ERBB4: variants seen among roughly 807,000 people sequenced by gnomAD.
ERBB4 encodes the protein receptor tyrosine-protein kinase erbB-4.
In ERBB4, 42 loss-of-function variants were observed where a neutral mutation model predicts 158.0. The observed-to-expected ratio is 0.27, with a 90% CI of 0.21 to 0.34. The LOEUF is 0.34. ERBB4 is among the 10% of genes least tolerant of loss of function. The pLI, the probability that ERBB4 is intolerant of heterozygous loss-of-function variation, is 1.00. For synonymous variants in ERBB4, 583 were observed against 558.7 expected (o/e 1.04, Z -0.61); for missense variants, 1,333 against 1,624.1 (o/e 0.82, Z 3.08).
rs948924636 is a variant in ERBB4, at chr2:211,836,501, G to T, written c.422-48342C>A. Reference sequence around the variant, plus strand: ...AGGCATCCAAAATTTTTATTAGAAGGTAGTCACATATATTGGTACTCTCTG... The same window carrying T: ...AGGCATCCAAAATTTTTATTAGAAGTTAGTCACATATATTGGTACTCTCTG... On this transcript the variant is annotated intron_variant, in intron 3 of 27. Transcript: ENST00000342788. Among the ~76,000 whole-genome samples the T allele has an allele frequency of 4.6e-5, 7 of 152,020 alleles. No homozygotes were observed. The East Asian group carries it at 7.7e-4, about 17-fold the overall frequency.
intron 3 of ERBB4, among the ~76,000 whole-genome samples, chr2:211,878,918 A>G (rs1045588556): frequency 2.0e-5 from 3 of 152,196 alleles, no homozygotes; most frequent in African/African-American, 7.2e-5. Context: ...ACAAATGATA[A>G]TAACAAGAAA....
intron 1 of ERBB4, among the ~76,000 whole-genome samples, chr2:212,286,598 T>TTTTTTTTTTTGTTTTG (rs2085975548): frequency 1.3e-5 from 1 of 74,392 alleles, no homozygotes; most frequent in Admixed American, 1.3e-4. Context: ...TGCTGACTTT[T>TTTTTTTTTTTGTTTTG]TTTTTTTTTT....
At chr2:211,972,425 A>G (rs563087309) in intron 2 of ERBB4, among the ~76,000 whole-genome samples, 1 of 152,330 alleles carries the variant, frequency 6.6e-6, no homozygotes, top group South Asian at 2.1e-4. Context: ...TGTGGAACCA[A>G]ATAAGACCTG....
chr2:212,390,416 T>A (rs1434846066), intron 1 of ERBB4, among the ~76,000 whole-genome samples: 1 of 151,808 alleles, frequency 6.6e-6, no homozygotes, highest in East Asian at 1.9e-4. Flanking sequence ...TCACCTGTTA[T>A]CTCTGAGGGA....
chr2:211,957,822 T>G (rs1046151337), intron 2 of ERBB4, among the ~76,000 whole-genome samples: 8 of 152,170 alleles, frequency 5.3e-5, no homozygotes, highest in African/African-American at 1.9e-4. Context: ...GAAAACTGCT[T>G]GCTAGCATTT....
chr2:212,217,892 C>G (rs980344910), intron 1 of ERBB4, among the ~76,000 whole-genome samples: 1 of 151,062 alleles, frequency 6.6e-6, no homozygotes, highest in Non-Finnish European at 1.5e-5. Context: ...AATAAATGCC[C>G]AATAAAGTAT....
At chr2:211,386,801 T>G in intron 27 of ERBB4, 52 bp downstream of exon 27, 2 of 1,581,870 alleles carry the variant, frequency 1.3e-6, no homozygotes, top group Non-Finnish European at 1.7e-6. Flanking sequence ...TTTGTTTATC[T>G]TGATGGAAGT....
intron 13 of ERBB4, among the ~76,000 whole-genome samples, chr2:211,676,784 A>T (rs1294512154): frequency 6.8e-6 from 1 of 147,350 alleles, no homozygotes; most frequent in African/African-American, 2.6e-5. Context: ...TCACTTAATG[A>T]AATTAGTCTA....
chr2:211,720,647 A>C (rs969311532), intron 7 of ERBB4, among the ~76,000 whole-genome samples: 1 of 151,888 alleles, frequency 6.6e-6, no homozygotes, highest in Non-Finnish European at 1.5e-5. Flanking sequence ...TGAAAAATCC[A>C]CTCTTTCGGT....
intron 13 of ERBB4, among the ~76,000 whole-genome samples, chr2:211,675,792 T>TTTTATATATA (rs1553607852): frequency 2.1e-4 from 20 of 93,592 alleles, no homozygotes; most frequent in Middle Eastern, 6.1e-3. Context: ...AAATATAATA[T>TTTTATATATA]TATATATATA....
chr2:211,463,483 T>G (rs2064591223), intron 20 of ERBB4, among the ~76,000 whole-genome samples: 1 of 152,192 alleles, frequency 6.6e-6, no homozygotes, highest in Non-Finnish European at 1.5e-5. Context: ...TTAACCTAAC[T>G]GGAAGTGGGC....
chr2:212,222,746 T>A (rs537680522), intron 1 of ERBB4, among the ~76,000 whole-genome samples: 1 of 151,692 alleles, frequency 6.6e-6, no homozygotes, highest in East Asian at 1.9e-4. Flanking sequence ...TTTACCTTCA[T>A]AGTTGTTACT....
intron 1 of ERBB4, among the ~76,000 whole-genome samples, chr2:212,399,035 C>G (rs1165894397): frequency 6.6e-6 from 1 of 152,072 alleles, no homozygotes; most frequent in Admixed American, 6.6e-5. Context: ...CCTCTGCCTC[C>G]TGGGTTCAAG....
chr2:211,519,028 T>C (rs752521492), intron 20 of ERBB4, among the ~76,000 whole-genome samples: 1 of 152,052 alleles, frequency 6.6e-6, no homozygotes, highest in Non-Finnish European at 1.5e-5. Context: ...AGGATATCAG[T>C]AGGGATTTGG....
intron 2 of ERBB4, among the ~76,000 whole-genome samples, chr2:212,094,195 G>C (rs189573501): frequency 6.6e-6 from 1 of 151,736 alleles, no homozygotes; most frequent in Non-Finnish European, 1.5e-5. Flanking sequence ...TGCCCGCCCT[G>C]TGGTCATGAG....
At chr2:211,728,000 A>G (rs1320267817) in intron 5 of ERBB4, among the ~76,000 whole-genome samples, 2 of 151,876 alleles carry the variant, frequency 1.3e-5, no homozygotes, top group East Asian at 1.9e-4. Flanking sequence ...AAAATAAATT[A>G]TTTCTTCTAT....
intron 25 of ERBB4, 53 bp from the exon 26 acceptor site, chr2:211,388,045 A>G: frequency 7.6e-7 from 1 of 1,315,300 alleles, no homozygotes; most frequent in Non-Finnish European, 1.1e-6. Context: ...AATATGAATG[A>G]AAAAATTAAA....
At chr2:211,570,325 C>CTTTTTTT (rs769458178) in intron 19 of ERBB4, among the ~76,000 whole-genome samples, 3,899 of 105,080 alleles carry the variant, frequency 0.037, 391 homozygotes, top group African/African-American at 0.14. Flanking sequence ...CTAATTTTTG[C>CTTTTTTT]TTTTTTTTTT....
chr2:211,602,272 C>A (rs774812532), intron 19 of ERBB4, among the ~76,000 whole-genome samples: 4 of 152,118 alleles, frequency 2.6e-5, no homozygotes, highest in Non-Finnish European at 5.9e-5. Flanking sequence ...GAGATTTACA[C>A]GATCTGCCTG....
Sources: gnomAD v4.1 joint callset for allele counts (sites outside exome capture counted in the v4.1 genomes callset) on GRCh38, gnomAD v4.1.1 for gene constraint, MANE v1.5 for transcripts, NCBI Gene and HGNC (gene_info 2026-07-23, HGNC 2026-07-21) for gene names.